NACC2: variants seen among roughly 807,000 people sequenced by gnomAD.
The protein encoded by NACC2 is nucleus accumbens-associated protein 2.
A neutral mutation model predicts 25.1 loss-of-function variants in NACC2; 8 were observed. The ratio of observed to expected loss-of-function variants is 0.32; its 90% confidence interval spans 0.19 to 0.57. The LOEUF is 0.57. NACC2 is among the 20% of genes least tolerant of loss of function. The pLI, the probability that NACC2 is intolerant of heterozygous loss-of-function variation, is 0.89. For missense variants in NACC2, 644 were observed against 650.2 expected, an observed-to-expected ratio of 0.99 and a Z score of 0.10; for synonymous variants, 435 against 294.7, an observed-to-expected ratio of 1.48 and a Z score of -4.88.
At chr9:136,079,744 C>A (rs1363873365) in intron 1 of NACC2, among the ~76,000 whole-genome samples, 7 of 152,214 alleles carry the variant, frequency 4.6e-5, no homozygotes, top group Non-Finnish European at 8.8e-5. Flanking sequence ...AGGCCTCCCA[C>A]TACCCATTCT....
At position 136,013,965 on chromosome 9, in the gene NACC2, A is replaced by G. The variant is rs751015206; in HGVS notation, c.1056T>C (p.Ser352=). 5 of 1,593,862 alleles carry G rather than the reference A, an allele frequency of 3.1e-6. No homozygotes were observed. The highest frequency in any genetic ancestry group is 4.3e-6 in the Non-Finnish European group (5 of 1,168,702). The change falls in exon 4 of 6, where the codon TCT becomes TCC. Residue 352 remains serine, a synonymous_variant. Coordinates refer to ENST00000277554, the MANE Select transcript of NACC2 (RefSeq NM_144653.5). This position sits in a 1 kb window ranked among gnomAD's most constrained non-coding sequence, Gnocchi z 6.6. ...PGEKLELVAG[S]GVYITRGQLM... is the part of the protein sequence containing the mutation. ...GCTGGCCGCGTGTGATGTAGACCCC[A>G]GAGCCTGCAGCCACCAAACAGAAAA... is the stretch of plus-strand genomic sequence containing the variant.
At position 136,016,311 on chromosome 9, in the gene NACC2, C is replaced by T. The variant is rs774186619; in HGVS notation, c.1005G>A (p.Lys335=). 6.2e-7 allele frequency: 1 copy of T among 1,612,836 alleles called. No homozygotes were observed. Among genetic ancestry groups the T allele is most frequent in the Admixed American group, 1.7e-5 (1 of 60,024 alleles). ...CCCCGGGGTCCCCTTCCGAGTAGAG[C>T]TTGGGATGGCAGCGGTATCCGATCT... ...ISQIGYRCHP[K]LYSEGDPGEK... Residue 335 remains lysine, a synonymous_variant, in exon 3 of 6, where the codon AAG becomes AAA. Coordinates refer to ENST00000277554, the MANE Select transcript of NACC2 (RefSeq NM_144653.5).
At chr9:136,090,689 G>A (rs1014107886) in intron 1 of NACC2, among the ~76,000 whole-genome samples, 1 of 152,178 alleles carries the variant, frequency 6.6e-6, no homozygotes, top group African/African-American at 2.4e-5. Flanking sequence ...GGGCTGGGGG[G>A]ACTTTTATTT....
At chr9:136,028,138 G>A (rs1281822507) in intron 2 of NACC2, among the ~76,000 whole-genome samples, 1 of 150,360 alleles carries the variant, frequency 6.7e-6, no homozygotes, top group African/African-American at 2.4e-5. Flanking sequence ...GCAGGTGCCT[G>A]TAATCCCAGC....
rs1038517787 is a variant in NACC2 at position 136,022,194 on chromosome 9, C to T, written c.887-5765G>A. On this transcript the variant is annotated intron_variant, in intron 2 of 5. Transcript: ENST00000277554. This position sits in a 1 kb window ranked among gnomAD's most constrained non-coding sequence, Gnocchi z 4.4. ...TGGCATCAGGCGCAGAGCAGGTGCACAGGGACCCAGGTGGAAATGGTGAGG... is the reference window on the plus strand; with the variant it reads ...TGGCATCAGGCGCAGAGCAGGTGCATAGGGACCCAGGTGGAAATGGTGAGG... Among the ~76,000 whole-genome samples the T allele has an allele frequency of 6.6e-6, 1 of 152,222 alleles. No individual in the cohort carries two copies. The highest frequency in any genetic ancestry group is 2.4e-5 in the African/African-American group (1 of 41,442).
chr9:136,039,365 C>T (rs1840597208), intron 2 of NACC2, among the ~76,000 whole-genome samples: 2 of 152,140 alleles, frequency 1.3e-5, no homozygotes, highest in African/African-American at 4.8e-5. Context: ...CCACAATTAA[C>T]AACAGCAACA....
intron 2 of NACC2, among the ~76,000 whole-genome samples, chr9:136,043,522 C>G (rs2131156678): frequency 6.6e-6 from 1 of 152,366 alleles, no homozygotes; most frequent in East Asian, 1.9e-4. Context: ...GGAGTGCGGC[C>G]TCATGCAGCC....
At chr9:136,064,014 C>T (rs960270601) in intron 1 of NACC2, among the ~76,000 whole-genome samples, 2 of 152,050 alleles carry the variant, frequency 1.3e-5, no homozygotes, top group African/African-American at 4.8e-5. Flanking sequence ...GTAGGCCAGG[C>T]GTGGTAACTC....
intron 1 of NACC2, among the ~76,000 whole-genome samples, chr9:136,071,546 A>C (rs62989061): frequency 2.0e-5 from 1 of 50,868 alleles, no homozygotes; most frequent in South Asian, 7.9e-4. Flanking sequence ...CCATCTCAAA[A>C]AAAAAAAAAA....
intron 1 of NACC2, among the ~76,000 whole-genome samples, chr9:136,068,824 A>G (rs1433762513): frequency 6.6e-6 from 1 of 151,838 alleles, no homozygotes; most frequent in Non-Finnish European, 1.5e-5. Context: ...CAGAATCAAA[A>G]ACTAAAATAG....
chr9:136,051,852 G>A (rs1001075158), intron 1 of NACC2, among the ~76,000 whole-genome samples: 17 of 152,028 alleles, frequency 1.1e-4, no homozygotes, highest in Admixed American at 3.3e-4. Flanking sequence ...GAGCCCTGGG[G>A]CGGGGAGGGC....
chr9:136,064,961 C>T (rs1161853724), intron 1 of NACC2, among the ~76,000 whole-genome samples: 1 of 152,216 alleles, frequency 6.6e-6, no homozygotes. Flanking sequence ...GGGGAAAGAA[C>T]AGTCTTTTCA....
In NACC2 at chr9:136,064,609, G is replaced by C. The variant is rs547518320; in HGVS notation, c.-59-14029C>G. ...GATGGGAAGACCTAACATTATTAAA[G>C]TCTTCCTTAATAATGTTAATTAAGG... is the stretch of plus-strand genomic sequence containing the variant. On this transcript the variant is annotated intron_variant, in intron 1 of 5. Coordinates refer to ENST00000277554, the MANE Select transcript of NACC2 (RefSeq NM_144653.5). Among the ~76,000 whole-genome samples, 96 of 152,230 alleles carry C rather than the reference G, an allele frequency of 6.3e-4. 1 individual carries two copies. The highest frequency in any genetic ancestry group is 3.4e-3 in the Middle Eastern group (1 of 294).
intron 2 of NACC2, among the ~76,000 whole-genome samples, chr9:136,028,120 G>T (rs1043974099): frequency 2.6e-5 from 4 of 151,506 alleles, no homozygotes; most frequent in Non-Finnish European, 5.9e-5. Context: ...AATTAACTGG[G>T]CATAATGGCA....
chr9:136,044,370 C>G (rs1396481825), intron 2 of NACC2, among the ~76,000 whole-genome samples: 11 of 152,158 alleles, frequency 7.2e-5, no homozygotes, highest in Admixed American at 6.5e-4. Flanking sequence ...ACAAAATTAG[C>G]TGGGCATAGC....
In NACC2 at chr9:136,054,874, CA is replaced by C. The variant is rs1424667999; in HGVS notation, c.-59-4295del. On this transcript the variant is annotated intron_variant, in intron 1 of 5. Transcript: ENST00000277554. ...TTGTGGCACCAACGACCCTTGCTCT[CA>C]AAACGCCCTTCAGAACAGAACCCAC... 1.1e-4 allele frequency among the ~76,000 whole-genome samples: 16 copies of C among 152,188 alleles called. 1 individual carries two copies. Among genetic ancestry groups the C allele is most frequent in the Admixed American group, 1.0e-3 (16 of 15,278 alleles).
At chr9:136,063,634 A>AGC (rs2131172781) in intron 1 of NACC2, among the ~76,000 whole-genome samples, 1 of 152,334 alleles carries the variant, frequency 6.6e-6, no homozygotes, top group African/African-American at 2.4e-5. Context: ...CTGTAATCCC[A>AGC]GCACTTGGGA....
chr9:136,078,024 G>A (rs1388122164), intron 1 of NACC2, among the ~76,000 whole-genome samples: 3 of 152,104 alleles, frequency 2.0e-5, no homozygotes, highest in African/African-American at 4.8e-5. Flanking sequence ...CACCCGCCTC[G>A]GCCTCCCAAA....
At chr9:136,074,735 G>C (rs1184846179) in intron 1 of NACC2, among the ~76,000 whole-genome samples, 2 of 151,948 alleles carry the variant, frequency 1.3e-5, no homozygotes, top group Admixed American at 1.3e-4. Flanking sequence ...TGGACCTTCC[G>C]AACGACCATC....
Sources: gnomAD v4.1 joint callset for allele counts (sites outside exome capture counted in the v4.1 genomes callset) on GRCh38, gnomAD v4.1.1 for gene constraint, Gnocchi (gnomAD v3.1) non-coding constraint, MANE v1.5 for transcripts, NCBI Gene and HGNC (gene_info 2026-07-23, HGNC 2026-07-21) for gene names.